POLR2F: variants seen among roughly 807,000 people sequenced by gnomAD.
POLR2F encodes the protein RNA polymerase II, I and III subunit F.
A neutral mutation model predicts 22.7 loss-of-function variants in POLR2F; 12 were observed. The observed-to-expected ratio is 0.53, with a 90% CI of 0.34 to 0.86. The LOEUF (loss-of-function observed/expected upper bound fraction) is 0.86. Ranked by LOEUF, POLR2F falls within the 40% of genes least tolerant of loss-of-function variation. POLR2F has a pLI of 0.02. For synonymous variants in POLR2F, 57 were observed against 66.0 expected (o/e 0.86, Z 0.66); for missense variants, 126 against 171.5 (o/e 0.73, Z 1.48).
At position 38,016,019 on chromosome 22, in the gene POLR2F, C is replaced by G. The variant is rs139126419; in HGVS notation, c.121-9850C>G. On this transcript the variant is annotated intron_variant, in intron 1 of 2. Transcript: ENST00000333418. The surrounding 1 kb of genome is among the most constrained non-coding windows in gnomAD (Gnocchi z 4.4). ...CCTCCTGGAACTCTCCCCCGATGGT[C>G]TTCCCTACTCTCTAGCCCACACCAG... Among the ~76,000 whole-genome samples the G allele has an allele frequency of 2.3e-3, 344 of 152,234 alleles. 2 individuals are homozygous for G. Among genetic ancestry groups the G allele is most frequent in the Non-Finnish European group, 3.5e-3 (240 of 68,022 alleles).
At chr22:37,959,830 G>A (rs758548280) in intron 3 of POLR2F, among the ~76,000 whole-genome samples, 45 of 145,870 alleles carry the variant, frequency 3.1e-4, no homozygotes, top group Non-Finnish European at 5.4e-4. Context: ...TTGAGATAGA[G>A]TCTCGCTGAG....
At chr22:37,979,901 C>T (rs1932342952) in intron 4 of POLR2F, among the ~76,000 whole-genome samples, 2 of 152,014 alleles carry the variant, frequency 1.3e-5, no homozygotes, top group African/African-American at 4.8e-5. Flanking sequence ...CTTCAGCTGC[C>T]CCACCCCTCA....
At chr22:38,003,108 G>C (rs1032794252) in intron 1 of POLR2F, among the ~76,000 whole-genome samples, 2 of 152,170 alleles carry the variant, frequency 1.3e-5, no homozygotes, top group Non-Finnish European at 2.9e-5. Context: ...GGAGAAAGGC[G>C]AGATACTTGG....
At chr22:37,993,631 A>G (rs185748579) in intron 1 of POLR2F, among the ~76,000 whole-genome samples, 2 of 152,280 alleles carry the variant, frequency 1.3e-5, no homozygotes, top group Admixed American at 6.5e-5. Flanking sequence ...GGGATAAGCT[A>G]AGTAACCTTC....
intron 1 of POLR2F, among the ~76,000 whole-genome samples, chr22:37,998,956 C>G (rs2084743958): frequency 6.6e-6 from 1 of 151,954 alleles, no homozygotes; most frequent in African/African-American, 2.4e-5. Context: ...ACCCGCCGCC[C>G]CAAGATGGGT....
downstream of POLR2F, among the ~76,000 whole-genome samples, chr22:38,028,999 C>T (rs1171623027): frequency 1.3e-5 from 2 of 152,162 alleles, no homozygotes; most frequent in Non-Finnish European, 2.9e-5. Flanking sequence ...GCAGGAGAGG[C>T]TTCTGAAAGG....
At chr22:37,973,669 T>C, downstream of POLR2F, 1 of 1,612,798 alleles carries the variant, frequency 6.2e-7, no homozygotes, top group South Asian at 1.1e-5. Flanking sequence ...CATAATAGGG[T>C]CCTGAGGGCT....
At chr22:37,958,040 G>T (rs761382508) in intron 2 of POLR2F, among the ~76,000 whole-genome samples, 28 of 152,058 alleles carry the variant, frequency 1.8e-4, no homozygotes, top group Non-Finnish European at 3.4e-4. Flanking sequence ...TTGCTACGTT[G>T]TCTAGGCTAG....
chr22:38,014,806 ATTTT>A (rs71737468), intron 1 of POLR2F, among the ~76,000 whole-genome samples: 2 of 96,926 alleles, frequency 2.1e-5, no homozygotes, highest in Non-Finnish European at 2.0e-5. Context: ...GTATTTTTGT[ATTTT>A]TTTTTTTTTT....
chr22:37,955,580 G>T (rs966671595), intron 1 of POLR2F, among the ~76,000 whole-genome samples: 1 of 151,900 alleles, frequency 6.6e-6, no homozygotes, highest in African/African-American at 2.4e-5. Context: ...CAGTAGAGAG[G>T]GAAACAGTGA....
chr22:38,034,619 T>C (rs1197142767), intron 5 of POLR2F, among the ~76,000 whole-genome samples: 3 of 152,130 alleles, frequency 2.0e-5, no homozygotes. Flanking sequence ...CCTGGACCCC[T>C]CTCTGAGCCT....
At chr22:38,030,741 G>T (rs192183947), downstream of POLR2F, among the ~76,000 whole-genome samples, 1 of 152,260 alleles carries the variant, frequency 6.6e-6, no homozygotes, top group East Asian at 1.9e-4. Context: ...GCTTTGCAGG[G>T]TCACTCCCGG....
chr22:37,974,008 C>T, downstream of POLR2F: 1 of 1,613,712 alleles, frequency 6.2e-7, no homozygotes, highest in Non-Finnish European at 8.5e-7. This position sits in a 1 kb window ranked among gnomAD's most constrained non-coding sequence, Gnocchi z 5.4. Flanking sequence ...ACTGGTCCAA[C>T]TCAGCCACAT....
intron 5 of POLR2F, among the ~76,000 whole-genome samples, chr22:38,035,059 C>T (rs889636954): frequency 3.9e-5 from 6 of 152,108 alleles, no homozygotes; most frequent in African/African-American, 1.4e-4. Flanking sequence ...TCCTGCCCAT[C>T]CCTCCATAAC....
exon 3 of POLR2F, chr22:38,026,624 G>T (rs1005933926): frequency 3.7e-5 from 11 of 294,642 alleles, no homozygotes; most frequent in African/African-American, 4.4e-5. Context: ...GCAGCTGCAG[G>T]CCTGGTGAGA....
chr22:37,966,917 G>A (rs1041878607), intron 3 of POLR2F, among the ~76,000 whole-genome samples, 182 bp from the exon 4 acceptor site: 1 of 152,198 alleles, frequency 6.6e-6, no homozygotes, highest in African/African-American at 2.4e-5. Context: ...TCCGGAGTCT[G>A]TGATAGGCCT....
At chr22:37,972,210 C>T (rs945174032), downstream of POLR2F, 3 of 1,288,566 alleles carry the variant, frequency 2.3e-6, no homozygotes, top group African/African-American at 3.1e-5. Flanking sequence ...GATGATCTAT[C>T]CTTTGCATTC....
At chr22:37,970,384 T>G (rs1357002954), downstream of POLR2F, among the ~76,000 whole-genome samples, 1 of 146,248 alleles carries the variant, frequency 6.8e-6, no homozygotes, top group Non-Finnish European at 1.5e-5. Context: ...AAGCGGATCA[T>G]GAGGTCAGGA....
At chr22:37,983,026 C>CATA (rs1932448907), upstream of POLR2F, among the ~76,000 whole-genome samples, 1 of 152,228 alleles carries the variant, frequency 6.6e-6, no homozygotes, top group Non-Finnish European at 1.5e-5. The surrounding 1 kb of genome is among the most constrained non-coding windows in gnomAD (Gnocchi z 9.5). Context: ...GCATAGTGTG[C>CATA]GTATCTGTGG....
Sources: gnomAD v4.1 joint callset for allele counts (sites outside exome capture counted in the v4.1 genomes callset) on GRCh38, gnomAD v4.1.1 for gene constraint, Gnocchi (gnomAD v3.1) non-coding constraint, MANE v1.5 for transcripts, NCBI Gene and HGNC (gene_info 2026-07-23, HGNC 2026-07-21) for gene names.